The following IL4I1 variants were observed in gnomAD, a reference collection of about 807,000 sequenced individuals.
IL4I1 encodes L-amino-acid oxidase.
A neutral mutation model predicts 29.7 loss-of-function variants in IL4I1; 24 were observed. The observed-to-expected ratio is 0.81, with a 90% CI of 0.59 to 1.14. IL4I1 has a LOEUF of 1.14. Ranked by LOEUF, IL4I1 falls within the 50% of genes most tolerant of loss-of-function variation. The pLI is 0.00. For synonymous variants in IL4I1, 371 were observed against 352.5 expected, an observed-to-expected ratio of 1.05 and a Z score of -0.59; for missense variants, 686 against 785.6, an observed-to-expected ratio of 0.87 and a Z score of 1.52.
At chr19:49,896,212 T>A in intron 1 of IL4I1, 30 bp from the exon 2 acceptor site, 1 of 1,482,842 alleles carries the variant, frequency 6.7e-7, no homozygotes, top group East Asian at 2.5e-5. Context: ...AGGGCTGTTG[T>A]GACTGAGGCC....
chr19:49,924,937 G>C (rs940774678), intron 2 of IL4I1, among the ~76,000 whole-genome samples: 6 of 152,142 alleles, frequency 3.9e-5, no homozygotes, highest in Non-Finnish European at 8.8e-5. Context: ...AGCCAGCAAT[G>C]CAATTCTCCT....
At chr19:49,910,447 C>T (rs1294076121) in intron 2 of IL4I1, among the ~76,000 whole-genome samples, 1 of 152,134 alleles carries the variant, frequency 6.6e-6, no homozygotes, top group Non-Finnish European at 1.5e-5. Context: ...GACACTGGAA[C>T]TCCTCCTCCT....
chr19:49,924,714 C>G (rs1328897314), intron 2 of IL4I1, among the ~76,000 whole-genome samples: 1 of 152,170 alleles, frequency 6.6e-6, no homozygotes, highest in Non-Finnish European at 1.5e-5. Context: ...TCGCAGGCAA[C>G]CACTGATGAC....
upstream of IL4I1, among the ~76,000 whole-genome samples, chr19:49,897,393 G>C (rs1045735893): frequency 6.6e-6 from 1 of 152,116 alleles, no homozygotes; most frequent in Admixed American, 6.5e-5. Context: ...TAGCAGTGGG[G>C]CTGGCAGCCG....
upstream of IL4I1, among the ~76,000 whole-genome samples, chr19:49,899,848 C>T (rs142484900): frequency 4.6e-3 from 693 of 152,266 alleles, 2 homozygotes; most frequent in African/African-American, 0.016. Context: ...AGCCACCTCG[C>T]CCGGCCACAC....
intron 2 of IL4I1, among the ~76,000 whole-genome samples, chr19:49,918,258 TCTCA>T (rs959279765): frequency 1.3e-5 from 2 of 152,074 alleles, no homozygotes; most frequent in African/African-American, 4.8e-5. Context: ...AGAGATGGGG[TCTCA>T]CTATGTTGCC....
Position 49,890,990 on chromosome 19 carries a change from A to T in IL4I1, c.754T>A (p.Cys252Ser). 7.4e-7 allele frequency: 1 copy of T among 1,352,218 alleles called. No individual in the cohort carries two copies. Among genetic ancestry groups the T allele is most frequent in the Non-Finnish European group, 9.8e-7 (1 of 1,022,482 alleles). The allele number at this position is 1,352,218 out of a possible 1,614,324, so 83.8% of individuals were successfully genotyped here. A position where few individuals can be genotyped will look rare whatever the true frequency, so the allele number is the denominator to read the frequency against. ...SFAEALRAHS[C>S]LSDRLQYSRI... The stretch of plus-strand genomic sequence containing the variant: ...CCTTACTGGAGTCTGTCGCTGAGGC[A>T]GCTGTGGGCCCGGAGGGCCTCGGCG... The change falls in exon 7 of 8, where the codon TGC (cysteine) becomes AGC (serine). Residue 252 changes from cysteine (C) to serine (S), a missense_variant. Coordinates refer to ENST00000391826, the MANE Select transcript of IL4I1 (RefSeq NM_152899.2).
chr19:49,902,998 C>A (rs1452447334), intron 3 of IL4I1, among the ~76,000 whole-genome samples: 1 of 151,810 alleles, frequency 6.6e-6, no homozygotes, highest in African/African-American at 2.4e-5. Flanking sequence ...GCCTGTAGTC[C>A]CAGCTACTCA....
At chr19:49,901,113 C>A (rs1336812343), upstream of IL4I1, among the ~76,000 whole-genome samples, 4 of 152,216 alleles carry the variant, frequency 2.6e-5, no homozygotes, top group Non-Finnish European at 5.9e-5. Context: ...GACGCGGTGG[C>A]TCACTCCTGT....
chr19:49,889,933 C>G lies in IL4I1; in HGVS notation c.1441G>C (p.Glu481Gln). ...VPYGRIYFAG[E>Q]HTAYPHGWVE... ...CAGCCGTGCGGGTAGGCGGTGTGCT[C>G]GCCGGCAAAGTAGATGCGGCCATAA... The change falls in exon 8 of 8, where the codon GAG (glutamate) becomes CAG (glutamine). Residue 481 changes from glutamate to glutamine, a missense_variant. Physicochemically the swap from Glu to Gln is conservative, Grantham distance 29. Coordinates refer to ENST00000391826, the MANE Select transcript of IL4I1 (RefSeq NM_152899.2). 1 of 1,605,806 alleles carries G rather than the reference C, an allele frequency of 6.2e-7. No homozygotes were observed. The highest frequency in any genetic ancestry group is 8.5e-7 in the Non-Finnish European group (1 of 1,176,788).
At position 49,890,516 on chromosome 19, in the gene IL4I1, G is replaced by C; in HGVS notation, c.858C>G (p.Pro286=). 6.2e-7 allele frequency: 1 copy of C among 1,610,036 alleles called. No individual in the cohort carries two copies. ...GCGGTCCCTGGGTCATCGCCACCAC[G>C]GGCGCGTTCAACAGCACAAGCCCGG... The part of the protein sequence containing the change: ...SLSGLVLLNA[P]VVAMTQGPHD... Residue 286 remains proline, a synonymous_variant, in exon 8 of 8, where the codon CCC becomes CCG. Transcript: ENST00000391826.
intron 5 of IL4I1, among the ~76,000 whole-genome samples, chr19:49,892,724 G>A (rs377683098): frequency 1.3e-5 from 2 of 152,266 alleles, no homozygotes; most frequent in East Asian, 3.9e-4. Flanking sequence ...CAGAGGGAAG[G>A]CAGTGCCCCT....
rs764431430 is a variant in IL4I1, at chr19:49,891,035, C to T, written c.709G>A (p.Gly237Ser). Reference protein sequence around the residue: ...QLLGDVMSEDGFFYLSFAEAL... With the variant: ...QLLGDVMSEDSFFYLSFAEAL... ...TCGGCGAAGCTGAGATAGAAGAAGC[C>T]ATCCTCGGACATCACGTCTCCCAGA... The change falls in exon 7 of 8, where the codon GGC (glycine) becomes AGC (serine). Residue 237 changes from glycine to serine, a missense_variant. Coordinates refer to ENST00000391826, the MANE Select transcript of IL4I1 (RefSeq NM_152899.2). The T allele has an allele frequency of 2.5e-6, 4 of 1,612,114 alleles. No individual in the cohort carries two copies. In the South Asian group the frequency reaches 3.3e-5, roughly 13 times the overall value.
chr19:49,900,726 C>T (rs1386324488), upstream of IL4I1, among the ~76,000 whole-genome samples: 4 of 151,168 alleles, frequency 2.6e-5, no homozygotes, highest in South Asian at 2.1e-4. Context: ...GTGGAGGGAG[C>T]GGAGGGGAGG....
rs577314084 is a variant in IL4I1 at position 49,895,255 on chromosome 19, G to A, written c.253-75C>T. 9 of 1,205,324 alleles carry A rather than the reference G, an allele frequency of 7.5e-6. No individual in the cohort carries two copies. In the East Asian group the frequency reaches 2.2e-4, roughly 29 times the overall value. 74.7% of individuals were successfully genotyped at this position (1,205,324 alleles called of 1,614,324 possible). Reference sequence around the variant, plus strand: ...CATCCCCTGCCCTCTACCACCCCGTGCCAGCCCCCTGCCTTCTTCCATCCC... The same window carrying A: ...CATCCCCTGCCCTCTACCACCCCGTACCAGCCCCCTGCCTTCTTCCATCCC... On this transcript the variant is annotated intron_variant, in intron 3 of 7. Transcript: ENST00000391826.
Position 49,891,083 on chromosome 19 carries a change from G to A in IL4I1, c.661C>T (p.Leu221=). Residue 221 remains leucine (L), a synonymous_variant, in exon 7 of 8, where the codon CTG becomes TTG. Transcript: ENST00000391826. ...AGAAGCTGCACGGCCGGCCGGCTCA[G>A]GTTCCCCTCCCCGAGAAGATATTCC... ...LLEYLLGEGN[L]SRPAVQLLGD... 1 of 1,613,352 alleles carries A rather than the reference G, an allele frequency of 6.2e-7. No individual in the cohort carries two copies. The highest frequency in any genetic ancestry group is 8.5e-7 in the Non-Finnish European group (1 of 1,179,870).
At chr19:49,901,799 T>A, upstream of IL4I1, 1 of 1,055,932 alleles carries the variant, frequency 9.5e-7, no homozygotes, top group Non-Finnish European at 1.3e-6. Flanking sequence ...GTTCCTGATA[T>A]TGGGGTCAGA....
At chr19:49,907,408 C>A (rs1053792063) in intron 2 of IL4I1, 2 of 391,098 alleles carry the variant, frequency 5.1e-6, no homozygotes, top group Non-Finnish European at 4.9e-6. Flanking sequence ...GCTGACCTGT[C>A]TTCTGTGAAA....
At chr19:49,929,350 CTTCT>C (rs2076009526) in exon 1 of IL4I1, 1 of 154,570 alleles carries the variant, frequency 6.5e-6, no homozygotes, top group Non-Finnish European at 1.4e-5. Flanking sequence ...CCGCTCCCAC[CTTCT>C]TTCTTCAGCC....
Sources: allele counts gnomAD v4.1 joint callset (sites outside exome capture counted in the v4.1 genomes callset), GRCh38; gene constraint gnomAD v4.1.1; transcripts MANE v1.5; gene names NCBI Gene and HGNC (gene_info 2026-07-23, HGNC 2026-07-21).